CDH13: variants seen among roughly 807,000 people sequenced by gnomAD.
The protein encoded by CDH13 is cadherin 13, also known as cadherin-13.
In CDH13, 24 loss-of-function variants were observed where a neutral mutation model predicts 63.8. That is an observed-to-expected ratio of 0.38 (90% CI 0.27 to 0.53). CDH13 has a LOEUF of 0.53. Among genes scored for constraint, CDH13 ranks in the 20% least tolerant of loss-of-function variants. The pLI is 0.85. For missense variants in CDH13, 1,049 were observed against 903.1 expected, an observed-to-expected ratio of 1.16 and a Z score of -2.07; for synonymous variants, 503 against 355.3, an observed-to-expected ratio of 1.42 and a Z score of -4.67.
intron 11 of CDH13, among the ~76,000 whole-genome samples, chr16:83,778,734 C>G (rs929595817): frequency 1.3e-5 from 2 of 152,170 alleles, no homozygotes; most frequent in Non-Finnish European, 2.9e-5. Context: ...TCATCACTAA[C>G]CCAGCTTTCT....
rs943536751 is a variant in CDH13, at chr16:83,240,293, C to T, written c.636+22796C>T. 3.9e-5 allele frequency among the ~76,000 whole-genome samples: 6 copies of T among 152,002 alleles called. No homozygotes were observed. The South Asian group carries it at 8.3e-4, about 21-fold the overall frequency. On this transcript the variant is annotated intron_variant, in intron 5 of 13. Coordinates refer to ENST00000567109, the MANE Select transcript of CDH13 (RefSeq NM_001257.5). ...TAGGCCTGGGAGGGGGTGGATCACT[C>T]AGGGCCTTGGAAACTTTGCATGGAT...
At chr16:83,562,940 T>C (rs909255006) in intron 7 of CDH13, among the ~76,000 whole-genome samples, 1 of 152,232 alleles carries the variant, frequency 6.6e-6, no homozygotes, top group African/African-American at 2.4e-5. Flanking sequence ...GATTTTGTCC[T>C]GAGCTTTTGG....
intron 2 of CDH13, among the ~76,000 whole-genome samples, chr16:82,961,064 C>G (rs1036737946): frequency 1.3e-5 from 2 of 152,134 alleles, no homozygotes; most frequent in African/African-American, 4.8e-5. Context: ...ATGCATCTGT[C>G]GATAGCCACA....
intron 6 of CDH13, among the ~76,000 whole-genome samples, chr16:83,442,985 G>C (rs980990530): frequency 2.6e-5 from 4 of 152,196 alleles, no homozygotes; most frequent in Admixed American, 6.5e-5. Context: ...GAATTATTTA[G>C]TGAGATTGAA....
At chr16:83,507,861 G>A (rs1200724764) in intron 7 of CDH13, among the ~76,000 whole-genome samples, 3 of 136,662 alleles carry the variant, frequency 2.2e-5, no homozygotes, top group Admixed American at 7.4e-5. Flanking sequence ...AGTAAAACCC[G>A]TCTCTACTAA....
At chr16:82,631,098 C>T (rs1224038647) in intron 1 of CDH13, among the ~76,000 whole-genome samples, 1 of 152,198 alleles carries the variant, frequency 6.6e-6, no homozygotes, top group South Asian at 2.1e-4. Flanking sequence ...TTCTTTTGCT[C>T]TCTTGCTTTC....
At chr16:82,697,464 C>G (rs1468966249) in intron 1 of CDH13, among the ~76,000 whole-genome samples, 1 of 116,866 alleles carries the variant, frequency 8.6e-6, no homozygotes, top group Non-Finnish European at 1.6e-5. Context: ...GAGTCTCACT[C>G]TGTCACTGGG....
chr16:83,602,096 AAGAACAACAAC>A lies in CDH13; in HGVS notation c.961-356_961-346del, dbSNP rs1567797460. Among the ~76,000 whole-genome samples, 53 of 71,676 alleles carry A rather than the reference AAGAACAACAAC, an allele frequency of 7.4e-4. 3 individuals carry two copies. The highest frequency in any genetic ancestry group is 1.2e-3 in the Non-Finnish European group (43 of 36,370). The allele number at this position is 71,676 out of a possible 152,430, so 47.0% of individuals were successfully genotyped here. On this transcript the variant is annotated intron_variant, in intron 7 of 13. Transcript: ENST00000567109. ...AGACTCTGTCTCAAAAAAAAAAAAA[AAGAACAACAAC>A]AAAAAAAAAAAAAAAAAAAAAAAAA...
chr16:82,651,909 G>T (rs1223889232), intron 1 of CDH13, among the ~76,000 whole-genome samples: 1 of 152,176 alleles, frequency 6.6e-6, no homozygotes, highest in East Asian at 1.9e-4. Flanking sequence ...GTCAGTCCAG[G>T]GAAAAGCAGG....
chr16:83,301,229 C>T (rs796869876), intron 5 of CDH13, among the ~76,000 whole-genome samples: 7 of 151,970 alleles, frequency 4.6e-5, no homozygotes, highest in African/African-American at 1.7e-4. Flanking sequence ...GATGGGGTTT[C>T]ACTGTGTTAG....
intron 2 of CDH13, among the ~76,000 whole-genome samples, chr16:82,914,657 G>A (rs1017213152): frequency 1.3e-5 from 2 of 152,162 alleles, no homozygotes; most frequent in African/African-American, 4.8e-5. Flanking sequence ...TTGAAGCTTG[G>A]TCAGCCCTGG....
At chr16:82,952,715 C>CA (rs1905469698) in intron 2 of CDH13, among the ~76,000 whole-genome samples, 1 of 152,178 alleles carries the variant, frequency 6.6e-6, no homozygotes, top group African/African-American at 2.4e-5. Context: ...CCTGGTGGGC[C>CA]AACTGCAGCC....
chr16:83,503,073 C>G (rs2074319160), intron 7 of CDH13, among the ~76,000 whole-genome samples: 1 of 152,186 alleles, frequency 6.6e-6, no homozygotes, highest in Non-Finnish European at 1.5e-5. Flanking sequence ...AGAGGGGCTC[C>G]TTGCCTCCTA....
chr16:83,612,857 C>G (rs993263544), intron 8 of CDH13, among the ~76,000 whole-genome samples: 3 of 152,038 alleles, frequency 2.0e-5, no homozygotes, highest in African/African-American at 7.2e-5. Flanking sequence ...AATTCTGTAT[C>G]AGTTTATGTT....
intron 1 of CDH13, among the ~76,000 whole-genome samples, chr16:82,818,787 C>G (rs939323771): frequency 6.6e-6 from 1 of 152,190 alleles, no homozygotes; most frequent in African/African-American, 2.4e-5. Flanking sequence ...AGGCCTTTCT[C>G]TCTGGTGTTG....
intron 6 of CDH13, among the ~76,000 whole-genome samples, chr16:83,442,160 C>T (rs936030470): frequency 6.6e-6 from 1 of 152,148 alleles, no homozygotes; most frequent in African/African-American, 2.4e-5. Context: ...CGTCTTAGCT[C>T]TGGGTTTATT....
At chr16:83,516,500 A>T (rs140352181) in intron 7 of CDH13, among the ~76,000 whole-genome samples, 1 of 152,220 alleles carries the variant, frequency 6.6e-6, no homozygotes, top group Non-Finnish European at 1.5e-5. Flanking sequence ...ACAGAAAGCA[A>T]TTTGTGGGAA....
intron 10 of CDH13, among the ~76,000 whole-genome samples, chr16:83,701,142 C>T (rs1376492191): frequency 2.0e-5 from 3 of 152,094 alleles, no homozygotes; most frequent in African/African-American, 7.2e-5. Context: ...TTGCCGAAGC[C>T]AGGGCTGGAT....
intron 10 of CDH13, among the ~76,000 whole-genome samples, chr16:83,710,997 A>C (rs1240143335): frequency 6.6e-6 from 1 of 152,200 alleles, no homozygotes; most frequent in Non-Finnish European, 1.5e-5. Flanking sequence ...CAACCTGGGG[A>C]AGCCCCGCAG....
Sources: allele counts gnomAD v4.1 joint callset (sites outside exome capture counted in the v4.1 genomes callset), GRCh38; gene constraint gnomAD v4.1.1; transcripts MANE v1.5; gene names NCBI Gene and HGNC (gene_info 2026-07-23, HGNC 2026-07-21).